The following ERGIC1 variants were observed in gnomAD, a reference collection of about 807,000 sequenced individuals.
The protein encoded by ERGIC1 is endoplasmic reticulum-golgi intermediate compartment 1.
In ERGIC1, 19 loss-of-function variants were observed where a neutral mutation model predicts 38.3. That is an observed-to-expected ratio of 0.50 (90% confidence interval 0.35 to 0.73). The LOEUF is 0.73. ERGIC1 is among the 30% of genes least tolerant of loss of function. The probability of loss-of-function intolerance (pLI) is 0.01; values close to 1 mark genes in which losing one functional copy is unlikely to be tolerated. For synonymous variants in ERGIC1, 124 were observed against 157.6 expected (o/e 0.79, Z 1.60); for missense variants, 294 against 389.2 (o/e 0.76, Z 2.06).
At chr5:172,855,908 G>A (rs542059339) in intron 1 of ERGIC1, among the ~76,000 whole-genome samples, 1 of 152,356 alleles carries the variant, frequency 6.6e-6, no homozygotes, top group South Asian at 2.1e-4. Context: ...GCGACTGTCA[G>A]CTCCTGTGGC....
chr5:172,880,158 T>C (rs1053787872), intron 1 of ERGIC1, among the ~76,000 whole-genome samples: 2 of 152,056 alleles, frequency 1.3e-5, no homozygotes, highest in Non-Finnish European at 2.9e-5. Context: ...TGCCTCAGCC[T>C]CCCCAGTAGC....
At chr5:172,932,413 A>G (rs368793295) in intron 7 of ERGIC1, 23 bp from the exon 8 acceptor site, 1 of 1,613,004 alleles carries the variant, frequency 6.2e-7, no homozygotes, top group Non-Finnish European at 8.5e-7. Flanking sequence ...CCCCTGCTTC[A>G]TTCTGCTGTG....
At chr5:172,888,284 AC>A (rs1179983527) in intron 1 of ERGIC1, among the ~76,000 whole-genome samples, 2 of 151,890 alleles carry the variant, frequency 1.3e-5, no homozygotes, top group African/African-American at 4.8e-5. Flanking sequence ...ACATGGCAAA[AC>A]CCCGTCTCTA....
chr5:172,853,622 T>A (rs1761468566), intron 1 of ERGIC1, among the ~76,000 whole-genome samples: 1 of 152,182 alleles, frequency 6.6e-6, no homozygotes, highest in Non-Finnish European at 1.5e-5. Flanking sequence ...CCCCGGAGGA[T>A]GGGATGTGGG....
intron 1 of ERGIC1, among the ~76,000 whole-genome samples, chr5:172,866,199 G>A (rs953261002): frequency 6.6e-6 from 1 of 152,222 alleles, no homozygotes; most frequent in Non-Finnish European, 1.5e-5. Context: ...GACAGTTGGA[G>A]CAAAGTCCAG....
chr5:172,899,655 A>G (rs1011687661), intron 3 of ERGIC1, among the ~76,000 whole-genome samples: 2 of 152,020 alleles, frequency 1.3e-5, no homozygotes, highest in Admixed American at 1.3e-4. Context: ...CGTGGAGCCC[A>G]GGGCTGGACC....
At chr5:172,852,283 G>C (rs890754698) in intron 1 of ERGIC1, among the ~76,000 whole-genome samples, 1 of 152,214 alleles carries the variant, frequency 6.6e-6, no homozygotes, top group Non-Finnish European at 1.5e-5. Context: ...CAAAACGCAG[G>C]CAGGGTCTGC....
chr5:172,887,048 C>T (rs1374562773), intron 1 of ERGIC1, among the ~76,000 whole-genome samples: 4 of 152,134 alleles, frequency 2.6e-5, no homozygotes. Flanking sequence ...CTTGGCAGCC[C>T]GCAGGAATTT....
intron 3 of ERGIC1, among the ~76,000 whole-genome samples, chr5:172,897,443 A>AAAAAAAAGAG (rs780361647): frequency 5.6e-5 from 8 of 142,450 alleles, no homozygotes; most frequent in African/African-American, 8.1e-5. Context: ...AAAAAAAAAA[A>AAAAAAAAGAG]AGAGAGAGAG....
intron 1 of ERGIC1, among the ~76,000 whole-genome samples, chr5:172,879,089 C>T (rs1045955552): frequency 3.9e-5 from 6 of 152,158 alleles, no homozygotes; most frequent in African/African-American, 7.2e-5. Context: ...AGTGCCTGCC[C>T]GGTAGCCGCC....
intron 1 of ERGIC1, among the ~76,000 whole-genome samples, chr5:172,881,698 A>C (rs1049120295): frequency 3.3e-5 from 5 of 152,238 alleles, no homozygotes; most frequent in African/African-American, 1.2e-4. Flanking sequence ...ATCTGGATTC[A>C]GATCTCTGCC....
intron 5 of ERGIC1, among the ~76,000 whole-genome samples, chr5:172,922,763 T>A (rs1763553798): frequency 6.6e-6 from 1 of 152,200 alleles, no homozygotes. Flanking sequence ...ACCTGGACTC[T>A]GAGAGAATAG....
At chr5:172,914,253 A>AT (rs1304872497) in intron 4 of ERGIC1, among the ~76,000 whole-genome samples, 210 of 139,766 alleles carry the variant, frequency 1.5e-3, no homozygotes, top group East Asian at 0.015. Flanking sequence ...AAAAAAAAAA[A>AT]AAAATACAAA....
intron 5 of ERGIC1, among the ~76,000 whole-genome samples, chr5:172,918,693 C>A (rs1434037015): frequency 5.3e-5 from 8 of 152,204 alleles, no homozygotes; most frequent in African/African-American, 1.2e-4. Context: ...GCAGGAGCCA[C>A]GTCCTTACGA....
At chr5:172,883,001 T>TAGCTCAC (rs1762322647) in intron 1 of ERGIC1, among the ~76,000 whole-genome samples, 1 of 152,182 alleles carries the variant, frequency 6.6e-6, no homozygotes, top group Non-Finnish European at 1.5e-5. Flanking sequence ...GGAGTCGTCA[T>TAGCTCAC]AGCTCACTGT....
intron 7 of ERGIC1, among the ~76,000 whole-genome samples, chr5:172,931,705 G>A (rs545727820): frequency 6.6e-5 from 10 of 152,120 alleles, no homozygotes; most frequent in Admixed American, 3.9e-4. Context: ...AAAGCTGCCC[G>A]TGGTTCCTTG....
At chr5:172,929,149 A>ATGTGTGTG (rs1367026074) in intron 7 of ERGIC1, among the ~76,000 whole-genome samples, 1 of 67,456 alleles carries the variant, frequency 1.5e-5, no homozygotes, top group South Asian at 4.3e-4. Flanking sequence ...TGTCATATAT[A>ATGTGTGTG]TATATGTGTG....
intron 5 of ERGIC1, chr5:172,915,057 G>T (rs778696457): frequency 7.0e-5 from 52 of 743,422 alleles, no homozygotes; most frequent in Non-Finnish European, 1.2e-4. Context: ...GTTCAGGAAG[G>T]AGCTACTCTT....
At chr5:172,881,494 A>T (rs1762282640) in intron 1 of ERGIC1, among the ~76,000 whole-genome samples, 1 of 152,194 alleles carries the variant, frequency 6.6e-6, no homozygotes, top group South Asian at 2.1e-4. Flanking sequence ...TTGAGAACTC[A>T]TACTCCAGTG....
Sources: allele counts gnomAD v4.1 joint callset (sites outside exome capture counted in the v4.1 genomes callset), GRCh38; gene constraint gnomAD v4.1.1; transcripts MANE v1.5; gene names NCBI Gene and HGNC (gene_info 2026-07-23, HGNC 2026-07-21).